Variants in SERGEF observed in about 807,000 individuals in gnomAD.
SERGEF encodes secretion regulating guanine nucleotide exchange factor.
Under a neutral mutation model 50.0 loss-of-function variants are expected in SERGEF, and 51 were observed. The observed-to-expected ratio is 1.02, with a 90% CI of 0.81 to 1.29. The LOEUF is 1.29. Among genes scored for constraint, SERGEF ranks in the 50% most tolerant of loss-of-function variants. The pLI is 0.00. For missense variants in SERGEF, 521 were observed against 557.0 expected, an observed-to-expected ratio of 0.94 and a Z score of 0.65; for synonymous variants, 205 against 212.4, an observed-to-expected ratio of 0.97 and a Z score of 0.30.
chr11:17,984,911 G>A (rs1008065338), intron 8 of SERGEF, among the ~76,000 whole-genome samples: 1 of 152,176 alleles, frequency 6.6e-6, no homozygotes, highest in Non-Finnish European at 1.5e-5. Context: ...GTAATTTACA[G>A]TCTAGACATT....
intron 8 of SERGEF, among the ~76,000 whole-genome samples, chr11:17,975,523 A>C (rs1436439278): frequency 1.3e-5 from 2 of 152,176 alleles, no homozygotes; most frequent in African/African-American, 4.8e-5. Context: ...CCAATGAACC[A>C]GATAACTCCA....
intron 9 of SERGEF, among the ~76,000 whole-genome samples, chr11:17,915,636 A>G (rs549721804): frequency 1.9e-4 from 29 of 152,368 alleles, no homozygotes; most frequent in African/African-American, 6.7e-4. Context: ...CTTTGATCTC[A>G]TAACAGTCTT....
intron 9 of SERGEF, among the ~76,000 whole-genome samples, chr11:17,906,799 C>CT (rs1851851096): frequency 6.9e-6 from 1 of 144,742 alleles, no homozygotes; most frequent in Non-Finnish European, 1.5e-5. Flanking sequence ...GACGTAATTT[C>CT]CACAGCCATA....
At chr11:17,845,075 T>C (rs1170640843) in intron 10 of SERGEF, among the ~76,000 whole-genome samples, 3 of 152,188 alleles carry the variant, frequency 2.0e-5, no homozygotes, top group Non-Finnish European at 2.9e-5. Flanking sequence ...GGCCCTTCTA[T>C]AGGTCCTCTG....
intron 10 of SERGEF, among the ~76,000 whole-genome samples, chr11:17,821,127 G>T (rs999655532): frequency 1.3e-5 from 2 of 152,208 alleles, no homozygotes; most frequent in Non-Finnish European, 2.9e-5. Flanking sequence ...AACACCAGAA[G>T]ATGGAAGAGT....
intron 10 of SERGEF, among the ~76,000 whole-genome samples, chr11:17,791,452 G>A (rs1345715657): frequency 6.6e-6 from 1 of 152,172 alleles, no homozygotes; most frequent in Non-Finnish European, 1.5e-5. Context: ...TTATAATGTT[G>A]AAAGATCTTC....
At chr11:17,912,005 CA>C (rs1235468050) in intron 9 of SERGEF, among the ~76,000 whole-genome samples, 1 of 152,084 alleles carries the variant, frequency 6.6e-6, no homozygotes. Flanking sequence ...TAGTCAAAAA[CA>C]GGGAACTAGA....
intron 8 of SERGEF, among the ~76,000 whole-genome samples, chr11:17,968,573 G>A (rs1481381673): frequency 1.3e-5 from 2 of 152,058 alleles, no homozygotes; most frequent in East Asian, 1.9e-4. Flanking sequence ...AACAGGTAGT[G>A]CACACCTGTA....
intron 10 of SERGEF, among the ~76,000 whole-genome samples, chr11:17,844,913 CA>C (rs1418323373): frequency 1.0e-4 from 13 of 126,274 alleles, no homozygotes; most frequent in African/African-American, 3.2e-4. Context: ...AAAAACAAAA[CA>C]AAACAAACAA....
At chr11:17,875,278 A>C (rs145118719) in intron 10 of SERGEF, among the ~76,000 whole-genome samples, 81 of 152,348 alleles carry the variant, frequency 5.3e-4, no homozygotes, top group African/African-American at 1.8e-3. Flanking sequence ...CCAAGTAATC[A>C]CTGCTTAAGT....
intron 10 of SERGEF, among the ~76,000 whole-genome samples, chr11:17,830,873 A>C (rs1359077811): frequency 1.3e-5 from 2 of 152,040 alleles, no homozygotes; most frequent in Admixed American, 6.6e-5. Flanking sequence ...GTAAGCATAC[A>C]TTTTCTAAGT....
intron 10 of SERGEF, among the ~76,000 whole-genome samples, chr11:17,843,343 T>C (rs1275648751): frequency 6.6e-6 from 1 of 152,208 alleles, no homozygotes; most frequent in Non-Finnish European, 1.5e-5. Context: ...GAAGCTGAGA[T>C]ACTTGAGTTC....
chr11:17,858,995 G>C (rs565198977), intron 10 of SERGEF, among the ~76,000 whole-genome samples: 1 of 152,080 alleles, frequency 6.6e-6, no homozygotes, highest in Admixed American at 6.6e-5. Context: ...CCTCTCATTA[G>C]CTGAACCCAA....
intron 10 of SERGEF, among the ~76,000 whole-genome samples, chr11:17,817,410 G>A (rs1454891323): frequency 6.6e-6 from 1 of 151,936 alleles, no homozygotes; most frequent in Non-Finnish European, 1.5e-5. Flanking sequence ...TAGAGACGGG[G>A]TTTCACCATG....
intron 8 of SERGEF, among the ~76,000 whole-genome samples, chr11:17,971,212 A>C (rs1853243274): frequency 6.6e-6 from 1 of 152,246 alleles, no homozygotes; most frequent in Non-Finnish European, 1.5e-5. Flanking sequence ...AAAAGAAAGA[A>C]AAGAAAAGAA....
At chr11:17,810,817 A>C (rs1172109639) in intron 10 of SERGEF, among the ~76,000 whole-genome samples, 2 of 151,962 alleles carry the variant, frequency 1.3e-5, no homozygotes, top group Admixed American at 6.5e-5. Flanking sequence ...AAAAAAAAAA[A>C]AAACCACCAC....
At chr11:17,870,829 G>C (rs1851124976) in intron 10 of SERGEF, among the ~76,000 whole-genome samples, 1 of 152,084 alleles carries the variant, frequency 6.6e-6, no homozygotes, top group South Asian at 2.1e-4. Flanking sequence ...TAGATATCAA[G>C]ATTTATTATA....
chr11:17,954,182 G>T (rs1366641936), intron 9 of SERGEF, among the ~76,000 whole-genome samples: 1 of 152,176 alleles, frequency 6.6e-6, no homozygotes, highest in African/African-American at 2.4e-5. Flanking sequence ...GCTTTTTCAG[G>T]TTGTGTTCAA....
rs1244735008 is a variant in SERGEF at position 17,884,828 on chromosome 11, A to G, written c.1012-6584T>C. ...GCTATCTTCCAGAGAAGTTGGGGTG[A>G]GAAGAAGAGAGCTAAAGTTTGGTTA... On this transcript the variant is annotated intron_variant, in intron 9 of 10. Transcript: ENST00000265965. The surrounding 1 kb of genome is among the most constrained non-coding windows in gnomAD (Gnocchi z 4.6). Among the ~76,000 whole-genome samples, 1 of 152,182 alleles carries G rather than the reference A, an allele frequency of 6.6e-6. No homozygotes were observed. Among genetic ancestry groups the G allele is most frequent in the Non-Finnish European group, 1.5e-5 (1 of 68,040 alleles).
Sources: gnomAD v4.1 joint callset for allele counts (sites outside exome capture counted in the v4.1 genomes callset) on GRCh38, gnomAD v4.1.1 for gene constraint, Gnocchi (gnomAD v3.1) non-coding constraint, MANE v1.5 for transcripts, NCBI Gene and HGNC (gene_info 2026-07-23, HGNC 2026-07-21) for gene names.